MDFI: variants seen among roughly 807,000 people sequenced by gnomAD.
MDFI encodes MyoD family inhibitor.
MDFI carries 16 observed loss-of-function variants against 22.3 expected under a neutral mutation model. The observed-to-expected ratio is 0.72, with a 90% CI of 0.49 to 1.09. MDFI has a LOEUF of 1.09. Ranked by LOEUF, MDFI falls within the 50% of genes least tolerant of loss-of-function variation. The pLI, the probability that MDFI is intolerant of heterozygous loss-of-function variation, is 0.00. For synonymous variants in MDFI, 145 were observed against 142.7 expected (o/e 1.02, Z -0.12); for missense variants, 314 against 326.1 (o/e 0.96, Z 0.29).
In MDFI at chr6:41,653,085, G is replaced by A. The variant is rs1210957049; in HGVS notation, c.485-234G>A. ...TGGTTAAACAAATAAACAGAGGGTG[G>A]CTAAGAGCAAGGATGATCCAGACTG... is the stretch of plus-strand genomic sequence containing the variant. On this transcript the variant is annotated intron_variant, in intron 4 of 4. Transcript: ENST00000230321. This position sits in a 1 kb window ranked among gnomAD's most constrained non-coding sequence, Gnocchi z 4.2. 2.6e-5 allele frequency among the ~76,000 whole-genome samples: 4 copies of A among 152,178 alleles called. No homozygotes were observed. The highest frequency in any genetic ancestry group is 9.7e-5 in the African/African-American group (4 of 41,450).
At position 41,646,219 on chromosome 6, in the gene MDFI, C is replaced by T. The variant is rs753464609; in HGVS notation, c.170C>T (p.Ala57Val). The stretch of plus-strand genomic sequence containing the variant: ...CCAGAGGAGGGCTCCCTGGAGGAGG[C>T]GGCAACCCCCATGCCCCAAGGCAAT... ...AAPEEGSLEE[A>V]ATPMPQGNGP... The change falls in exon 3 of 5, where the codon GCG becomes GTG. Residue 57 changes from alanine to valine, a missense_variant. Ala to Val is a moderately conservative substitution (Grantham distance 64, BLOSUM62 0). Coordinates refer to ENST00000230321, the MANE Select transcript of MDFI (RefSeq NM_005586.4). 45 of 1,593,152 alleles carry T rather than the reference C, an allele frequency of 2.8e-5. No homozygotes were observed. Among genetic ancestry groups the T allele is most frequent in the East Asian group, 7.0e-5 (3 of 42,786 alleles).
intron 2 of MDFI, among the ~76,000 whole-genome samples, chr6:41,643,456 T>C (rs990445028): frequency 6.6e-6 from 1 of 151,604 alleles, no homozygotes; most frequent in Admixed American, 6.6e-5. Context: ...CTCACTCGGG[T>C]ATACCCAATA....
chr6:41,642,150 A>T (rs550896471), intron 2 of MDFI, among the ~76,000 whole-genome samples: 66 of 152,272 alleles, frequency 4.3e-4, no homozygotes, highest in African/African-American at 1.6e-3. Context: ...GCTCGGAGCC[A>T]GCATGTGTGG....
At position 41,653,849 on chromosome 6, in the gene MDFI, A is replaced by C; in HGVS notation, c.*274A>C. 1.4e-5 allele frequency: 6 copies of C among 425,948 alleles called. No homozygotes were observed. The highest frequency in any genetic ancestry group is 8.7e-5 in the East Asian group (2 of 23,022). 26.4% of individuals were successfully genotyped at this position (425,948 alleles called of 1,614,324 possible). A position where few individuals can be genotyped will look rare whatever the true frequency, so the allele number is the denominator to read the frequency against. ...GTTCATACATTGCTGAGGACCTGACAGGACAACCTAGGGGCAGGGCTGGGG... is the reference window on the plus strand; with the variant it reads ...GTTCATACATTGCTGAGGACCTGACCGGACAACCTAGGGGCAGGGCTGGGG... On this transcript the variant is annotated 3_prime_UTR_variant, in exon 5 of 5. Coordinates refer to ENST00000230321, the MANE Select transcript of MDFI (RefSeq NM_005586.4). This position sits in a 1 kb window ranked among gnomAD's most constrained non-coding sequence, Gnocchi z 4.2.
rs1301889016 is a variant in MDFI, at chr6:41,649,637, C to A, written c.278C>A (p.Pro93His). The change falls in exon 4 of 5, where the codon CCC becomes CAC. Residue 93 changes from proline (P) to histidine (H), a missense_variant. Coordinates refer to ENST00000230321, the MANE Select transcript of MDFI (RefSeq NM_005586.4). ...EAVTCQPQGN[P>H]LGCTPLLPND... is the part of the protein sequence containing the mutation. Reference sequence around the variant, plus strand: ...TCTCCAGGCCAGCCTCAGGGGAACCCCTTGGGCTGCACCCCACTTCTGCCG... The same window carrying A: ...TCTCCAGGCCAGCCTCAGGGGAACCACTTGGGCTGCACCCCACTTCTGCCG... 4.4e-6 allele frequency: 7 copies of A among 1,609,156 alleles called. No homozygotes were observed. Among genetic ancestry groups the A allele is most frequent in the Non-Finnish European group, 5.9e-6 (7 of 1,177,106 alleles).
intron 4 of MDFI, 56 bp downstream of exon 4, chr6:41,649,899 AGCATGAC>A: frequency 6.6e-7 from 1 of 1,506,194 alleles, no homozygotes; most frequent in Non-Finnish European, 9.1e-7. Flanking sequence ...GGTTCCTCGA[AGCATGAC>A]GCATGGGCCC....
chr6:41,646,580 C>T (rs1219768518), intron 3 of MDFI, among the ~76,000 whole-genome samples: 1 of 152,120 alleles, frequency 6.6e-6, no homozygotes, highest in African/African-American at 2.4e-5. Context: ...AGAGAGGCAC[C>T]CCCTGCCTCA....
At chr6:41,646,050 T>A in intron 2 of MDFI, 76 bp from the exon 3 acceptor site, 1 of 1,299,332 alleles carries the variant, frequency 7.7e-7, no homozygotes, top group South Asian at 1.7e-5. Context: ...CATGCTGGGC[T>A]GTGGGGCGGG....
chr6:41,640,664 G>A (rs73735904), intron 2 of MDFI, among the ~76,000 whole-genome samples: 328 of 152,322 alleles, frequency 2.2e-3, no homozygotes, highest in African/African-American at 7.3e-3. Flanking sequence ...AGGCCACAGC[G>A]CTGCCCCAGG....
chr6:41,638,681 CG>C lies in MDFI; in HGVS notation c.-12+34del, dbSNP rs992704590. ...AGTGGACGTGGGAGGCGCGCATCTG[CG>C]GGGGAATCGCCCCTTGCCCGCCTCC... On this transcript the variant is annotated intron_variant, in intron 1 of 4. Coordinates refer to ENST00000230321, the MANE Select transcript of MDFI (RefSeq NM_005586.4). This position sits in a 1 kb window ranked among gnomAD's most constrained non-coding sequence, Gnocchi z 7.6. The C allele has an allele frequency of 2.7e-6, 4 of 1,485,960 alleles. No homozygotes were observed. The highest frequency in any genetic ancestry group is 2.8e-5 in the African/African-American group (2 of 71,622). The allele number at this position is 1,485,960 out of a possible 1,614,324, so 92.0% of individuals were successfully genotyped here. A position where few individuals can be genotyped will look rare whatever the true frequency, so the allele number is the denominator to read the frequency against.
At chr6:41,645,143 A>C (rs949899192) in intron 2 of MDFI, among the ~76,000 whole-genome samples, 2 of 152,060 alleles carry the variant, frequency 1.3e-5, no homozygotes, top group East Asian at 3.9e-4. Context: ...CTAACTGCAT[A>C]GGCTGAGGTC....
intron 3 of MDFI, 23 bp from the exon 4 acceptor site, chr6:41,649,594 TCA>T: frequency 6.5e-7 from 1 of 1,539,702 alleles, no homozygotes. Flanking sequence ...CCTTTTCCCA[TCA>T]CACTTTCTCT....
upstream of MDFI, among the ~76,000 whole-genome samples, chr6:41,637,929 G>T (rs1483966062): frequency 6.6e-6 from 1 of 152,140 alleles, no homozygotes; most frequent in Non-Finnish European, 1.5e-5. This position sits in a 1 kb window ranked among gnomAD's most constrained non-coding sequence, Gnocchi z 6.8. Flanking sequence ...GGATTTCCCG[G>T]ACAGACAACT....
rs924933194 is a variant in MDFI at position 41,641,028 on chromosome 6, G to C, written c.76+2203G>C. Among the ~76,000 whole-genome samples the C allele has an allele frequency of 2.6e-5, 4 of 152,254 alleles. No individual in the cohort carries two copies. In the East Asian group the frequency reaches 7.7e-4, roughly 29 times the overall value. The stretch of plus-strand genomic sequence containing the variant: ...TAGTTTTCAGCTTGGTGGCCTGGGA[G>C]TGTGACCATTGGATTCGCATCAACC... On this transcript the variant is annotated intron_variant, in intron 2 of 4. Transcript: ENST00000230321.
At chr6:41,646,013 A>G in intron 2 of MDFI, 113 bp from the exon 3 acceptor site, 1 of 970,494 alleles carries the variant, frequency 1.0e-6, no homozygotes, top group Admixed American at 3.2e-5. Context: ...ACTGATGCAG[A>G]CAGACAAAGA....
chr6:41,652,583 G>T (rs747729727), intron 4 of MDFI, among the ~76,000 whole-genome samples: 1 of 150,114 alleles, frequency 6.7e-6, no homozygotes, highest in Non-Finnish European at 1.5e-5. Context: ...AGGATTCTGG[G>T]TGTAGACTTA....
chr6:41,646,446 G>A, intron 3 of MDFI, 138 bp downstream of exon 3: 1 of 686,402 alleles, frequency 1.5e-6, no homozygotes, highest in East Asian at 3.4e-5. Context: ...GCAGAAAGGG[G>A]AAGGGCACTG....
Position 41,649,767 on chromosome 6 carries a change from C to T in MDFI, c.408C>T (p.Leu136=), listed in dbSNP as rs200022329. Residue 136 remains leucine (L), a synonymous_variant, in exon 4 of 5, where the codon CTC becomes CTT. Transcript: ENST00000230321. The stretch of plus-strand genomic sequence containing the variant: ...GGAAGTTGCAGACACACCCATCTCT[C>T]GCCAGCCAGGGCAGCAAGAAGAGTA... ...AHRKLQTHPS[L]ASQGSKKSKS... is the part of the protein sequence containing the mutation. 167 of 1,614,116 alleles carry T rather than the reference C, an allele frequency of 1.0e-4. No individual in the cohort carries two copies. The highest frequency in any genetic ancestry group is 2.5e-4 in the South Asian group (23 of 91,088).
intron 3 of MDFI, among the ~76,000 whole-genome samples, chr6:41,646,759 G>C (rs1195148184): frequency 6.6e-6 from 1 of 152,202 alleles, no homozygotes; most frequent in Non-Finnish European, 1.5e-5. Flanking sequence ...GAGGTCCTGG[G>C]GGGAGGGAGA....
Sources: allele counts gnomAD v4.1 joint callset (sites outside exome capture counted in the v4.1 genomes callset), GRCh38; gene constraint gnomAD v4.1.1; non-coding constraint Gnocchi (gnomAD v3.1); transcripts MANE v1.5; gene names NCBI Gene and HGNC (gene_info 2026-07-23, HGNC 2026-07-21).